Variants in ZNF668 observed in about 807,000 individuals in gnomAD.
ZNF668 encodes the protein zinc finger protein 668.
In ZNF668, 10 loss-of-function variants were observed where a neutral mutation model predicts 40.3. The ratio of observed to expected loss-of-function variants is 0.25; its 90% CI spans 0.15 to 0.42. The LOEUF (loss-of-function observed/expected upper bound fraction) is 0.42. ZNF668 is among the 10% of genes least tolerant of loss of function. The pLI is 1.00. For synonymous variants in ZNF668, 428 were observed against 384.6 expected (o/e 1.11, Z -1.32); for missense variants, 749 against 904.6 (o/e 0.83, Z 2.21).
intron 1 of ZNF668, chr16:31,065,927 TG>T: frequency 1.5e-6 from 1 of 654,418 alleles, no homozygotes; most frequent in Non-Finnish European, 1.9e-6. Flanking sequence ...GTTATGACAC[TG>T]GGGTTCAGGA....
intron 1 of ZNF668, among the ~76,000 whole-genome samples, chr16:31,068,009 G>A (rs2056989382): frequency 6.6e-6 from 1 of 151,660 alleles, no homozygotes; most frequent in Non-Finnish European, 1.5e-5. Context: ...TGACCCAGTG[G>A]TTCTGAGCTC....
intron 1 of ZNF668, 184 bp from the exon 2 acceptor site, chr16:31,064,665 G>C (rs1450849565): frequency 6.5e-7 from 1 of 1,536,120 alleles, no homozygotes; most frequent in East Asian, 2.4e-5. Flanking sequence ...AAAGGAGTTG[G>C]ACCAAGTGTC....
chr16:31,071,286 C>T (rs1156248941), intron 1 of ZNF668, among the ~76,000 whole-genome samples: 1 of 152,170 alleles, frequency 6.6e-6, no homozygotes, highest in Non-Finnish European at 1.5e-5. Context: ...CCAGCCTCAG[C>T]CTCCCGAGTA....
rs1407997587 is a variant in ZNF668 at position 31,061,411 on chromosome 16, C to A, written c.1517G>T (p.Gly506Val). The part of the protein sequence containing the change: ...GPLEGAGEAG[G>V]EEADEKPPQF... ...GGGGGGCTTCTCGTCAGCCTCCTCA[C>A]CCCCCGCCTCGCCTGCCCCTTCCAA... The change falls in exon 3 of 3, where the codon GGT becomes GTT. Residue 506 changes from glycine (G) to valine (V), a missense_variant. Physicochemically the swap from Gly to Val is moderately radical, Grantham distance 109 (BLOSUM62 -3). Coordinates refer to ENST00000300849, the MANE Select transcript of ZNF668 (RefSeq NM_024706.5). This position sits in a 1 kb window ranked among gnomAD's most constrained non-coding sequence, Gnocchi z 7.7. The A allele has an allele frequency of 6.2e-7, 1 of 1,613,758 alleles. No individual in the cohort carries two copies. The highest frequency in any genetic ancestry group is 8.5e-7 in the Non-Finnish European group (1 of 1,179,894).
chr16:31,062,063 A>G lies in ZNF668; in HGVS notation c.865T>C (p.Phe289Leu). Residue 289 changes from phenylalanine (F) to leucine (L), a missense_variant, in exon 3 of 3, where the codon TTC becomes CTC. Phe to Leu is a conservative substitution (Grantham distance 22). This residue lies in a region of ZNF668 where 129 missense variants were observed against 231.2 expected (regional missense o/e 0.56). Coordinates refer to ENST00000300849, the MANE Select transcript of ZNF668 (RefSeq NM_024706.5). ...PFLCPRCGRMFSDPSSFRRHQ... is the reference protein window; with the variant it reads ...PFLCPRCGRMLSDPSSFRRHQ... ...CGACGGAAGCTCGAGGGGTCGGAGAACATGCGGCCGCAGCGCGGGCACAGG... is the reference window on the plus strand; with the variant it reads ...CGACGGAAGCTCGAGGGGTCGGAGAGCATGCGGCCGCAGCGCGGGCACAGG... The G allele has an allele frequency of 6.2e-7, 1 of 1,613,672 alleles. No individual in the cohort carries two copies. Among genetic ancestry groups the G allele is most frequent in the Non-Finnish European group, 8.5e-7 (1 of 1,179,804 alleles).
chr16:31,061,384 T>TG lies in ZNF668; in HGVS notation c.1543dup (p.Gln515ProfsTer41), dbSNP rs760397907. On this transcript the variant is annotated frameshift_variant, in exon 3 of 3. Transcript: ENST00000300849. LOFTEE classifies it high-confidence loss of function. The surrounding 1 kb of genome is among the most constrained non-coding windows in gnomAD (Gnocchi z 7.7). The stretch of plus-strand genomic sequence containing the variant: ...CTCCTTGCACTCTCGGCACACAAAC[T>TG]GGGGGGGCTTCTCGTCAGCCTCCTC... 36 of 1,613,352 alleles carry TG rather than the reference T, an allele frequency of 2.2e-5. No individual in the cohort carries two copies. Among genetic ancestry groups the TG allele is most frequent in the Middle Eastern group, 3.3e-4 (2 of 6,078 alleles).
In ZNF668 at chr16:31,064,114, C is replaced by T. The variant is rs1226749535; in HGVS notation, c.346G>A (p.Glu116Lys). The change falls in exon 2 of 3, where the codon GAG becomes AAG. Residue 116 changes from glutamate to lysine, a missense_variant. Transcript: ENST00000300849. ...HTGEKPFPCP[E>K]CGRRFMQPVC... ...GGCTGCATGAAGCGGCGGCCGCACT[C>T]GGGGCACGGAAAGGGCTTCTCCCCC... 6 of 1,605,560 alleles carry T rather than the reference C, an allele frequency of 3.7e-6. No individual in the cohort carries two copies. The highest frequency in any genetic ancestry group is 2.2e-5 in the East Asian group (1 of 44,782).
chr16:31,068,239 A>AAAAAAAAAAAATATATATATAT (rs1473353128), intron 1 of ZNF668, among the ~76,000 whole-genome samples: 1 of 83,012 alleles, frequency 1.2e-5, no homozygotes, highest in African/African-American at 5.0e-5. Flanking sequence ...AAAAAAAAAA[A>AAAAAAAAAAAATATATATATAT]ATATATATAT....
At chr16:31,066,132 G>A (rs1328621493) in intron 1 of ZNF668, 30 of 985,308 alleles carry the variant, frequency 3.0e-5, no homozygotes, top group Non-Finnish European at 3.4e-5. Context: ...AGGCCTGCAC[G>A]CTGCCCTCCC....
chr16:31,072,242 T>C (rs1009413462), intron 1 of ZNF668, among the ~76,000 whole-genome samples: 5 of 152,182 alleles, frequency 3.3e-5, no homozygotes, highest in African/African-American at 1.2e-4. Context: ...CTGCCTCCTC[T>C]ACACCCAGAA....
chr16:31,061,932 G>A lies in ZNF668; in HGVS notation c.996C>T (p.Gly332=). ...DLAMHRRVHT[G]DRPFKCLQCD... is the part of the protein sequence containing the mutation. ...ATTGCAGGCACTTGAACGGCCGGTC[G>A]CCTGTGTGCACACGCCGGTGCATGG... The change falls in exon 3 of 3, where the codon GGC becomes GGT. Residue 332 remains glycine, a synonymous_variant. Coordinates refer to ENST00000300849, the MANE Select transcript of ZNF668 (RefSeq NM_024706.5). The surrounding 1 kb of genome is among the most constrained non-coding windows in gnomAD (Gnocchi z 7.7). 2 of 1,613,502 alleles carry A rather than the reference G, an allele frequency of 1.2e-6. No homozygotes were observed. Among genetic ancestry groups the A allele is most frequent in the Non-Finnish European group, 1.7e-6 (2 of 1,179,784 alleles).
intron 1 of ZNF668, among the ~76,000 whole-genome samples, chr16:31,072,049 G>A (rs546260233): frequency 1.4e-4 from 22 of 152,302 alleles, no homozygotes; most frequent in African/African-American, 5.3e-4. Flanking sequence ...GTTCTTATGA[G>A]AAGTGACACC....
At chr16:31,066,385 C>T (rs1287555949) in intron 1 of ZNF668, 17 of 985,114 alleles carry the variant, frequency 1.7e-5, no homozygotes, top group Non-Finnish European at 1.9e-5. Flanking sequence ...GGTTATTTCA[C>T]TTTTCCCACT....
At chr16:31,068,149 G>A (rs921700213) in intron 1 of ZNF668, among the ~76,000 whole-genome samples, 1 of 144,266 alleles carries the variant, frequency 6.9e-6, no homozygotes, top group Non-Finnish European at 1.5e-5. Context: ...GGAGTGCCAG[G>A]TTGGTCTCAG....
Position 31,061,305 on chromosome 16 carries a change from G to A in ZNF668, c.1623C>T (p.Leu541=), listed in dbSNP as rs1233852124. The change falls in exon 3 of 3, where the codon CTC becomes CTT. Residue 541 remains leucine (L), a synonymous_variant. Transcript: ENST00000300849. This position sits in a 1 kb window ranked among gnomAD's most constrained non-coding sequence, Gnocchi z 7.7. ...LRRHERSHPE[L]RPFPCTQCGK... ...CGCACTGGGTGCAGGGGAAGGGCCGGAGCTCCGGGTGTGAGCGCTCGTGCC... is the reference window on the plus strand; with the variant it reads ...CGCACTGGGTGCAGGGGAAGGGCCGAAGCTCCGGGTGTGAGCGCTCGTGCC... The A allele has an allele frequency of 6.3e-7, 1 of 1,578,374 alleles. No individual in the cohort carries two copies. Among genetic ancestry groups the A allele is most frequent in the Non-Finnish European group, 8.6e-7 (1 of 1,161,270 alleles).
At chr16:31,064,514 A>G (rs1449994310) in intron 1 of ZNF668, 33 bp from the exon 2 acceptor site, 4 of 1,600,298 alleles carry the variant, frequency 2.5e-6, no homozygotes, top group Non-Finnish European at 3.4e-6. Flanking sequence ...CCAAAGCCAC[A>G]TACCTTCGCC....
chr16:31,064,521 C>T (rs2056966996), intron 1 of ZNF668, 40 bp from the exon 2 acceptor site: 7 of 1,599,700 alleles, frequency 4.4e-6, no homozygotes, highest in Non-Finnish European at 5.1e-6. Flanking sequence ...CACATACCTT[C>T]GCCACTCCTG....
At position 31,061,280 on chromosome 16, in the gene ZNF668, C is replaced by T. The variant is rs936861569; in HGVS notation, c.1648G>A (p.Gly550Ser). Reference sequence around the variant, plus strand: ...CCAGCCCGGTCAGAGAAGCTCTTGCCGCACTGGGTGCAGGGGAAGGGCCGG... The same window carrying T: ...CCAGCCCGGTCAGAGAAGCTCTTGCTGCACTGGGTGCAGGGGAAGGGCCGG... ...ELRPFPCTQC[G>S]KSFSDRAGLR... The change falls in exon 3 of 3, where the codon GGC (glycine) becomes AGC (serine). Residue 550 changes from glycine (G) to serine (S), a missense_variant. By Grantham distance (56) the Gly-to-Ser change is moderately conservative (BLOSUM62 0). This residue lies in a region of ZNF668 where 310 missense variants were observed against 355.1 expected (regional missense o/e 0.87). Transcript: ENST00000300849. This position sits in a 1 kb window ranked among gnomAD's most constrained non-coding sequence, Gnocchi z 7.7. The T allele has an allele frequency of 3.9e-6, 6 of 1,558,074 alleles. No individual in the cohort carries two copies. Among genetic ancestry groups the T allele is most frequent in the Non-Finnish European group, 4.3e-6 (5 of 1,152,028 alleles).
chr16:31,061,290 G>A lies in ZNF668; in HGVS notation c.1638C>T (p.Cys546=). 6.4e-7 allele frequency: 1 copy of A among 1,569,272 alleles called. No individual in the cohort carries two copies. Among genetic ancestry groups the A allele is most frequent in the Non-Finnish European group, 8.6e-7 (1 of 1,157,012 alleles). The stretch of plus-strand genomic sequence containing the variant: ...CAGAGAAGCTCTTGCCGCACTGGGT[G>A]CAGGGGAAGGGCCGGAGCTCCGGGT... The part of the protein sequence containing the change: ...RSHPELRPFP[C]TQCGKSFSDR... Residue 546 remains cysteine (C), a synonymous_variant, in exon 3 of 3, where the codon TGC becomes TGT. Coordinates refer to ENST00000300849, the MANE Select transcript of ZNF668 (RefSeq NM_024706.5). This position sits in a 1 kb window ranked among gnomAD's most constrained non-coding sequence, Gnocchi z 7.7.
Sources: allele counts gnomAD v4.1 joint callset (sites outside exome capture counted in the v4.1 genomes callset), GRCh38; gene constraint gnomAD v4.1.1; regional missense constraint gnomAD v4.1.1; non-coding constraint Gnocchi (gnomAD v3.1); transcripts MANE v1.5; gene names NCBI Gene and HGNC (gene_info 2026-07-23, HGNC 2026-07-21).